KHDC1L: variants seen among roughly 807,000 people sequenced by gnomAD.
The protein encoded by KHDC1L is KHDC1-like protein.
In KHDC1L, 5 loss-of-function variants were observed where a neutral mutation model predicts 11.2. That is an observed-to-expected ratio of 0.45 (90% CI 0.23 to 0.94). KHDC1L has a LOEUF of 0.94. KHDC1L is among the 40% of genes least tolerant of loss of function. The pLI is 0.22. For synonymous variants in KHDC1L, 66 were observed against 62.7 expected (o/e 1.05, Z -0.25); for missense variants, 168 against 165.8 (o/e 1.01, Z -0.07).
chr6:73,223,602 C>G lies in KHDC1L; in HGVS notation c.*146G>C. On this transcript the variant is annotated 3_prime_UTR_variant, in exon 3 of 3. Coordinates refer to ENST00000370388, the MANE Select transcript of KHDC1L (RefSeq NM_001126063.3). ...CTTTGCCAATAACACTTCTAACACTCAGGAGACTTCCCTCAGACACATGCC... is the reference window on the plus strand; with the variant it reads ...CTTTGCCAATAACACTTCTAACACTGAGGAGACTTCCCTCAGACACATGCC... The G allele has an allele frequency of 1.6e-6, 1 of 635,930 alleles. No individual in the cohort carries two copies. The highest frequency in any genetic ancestry group is 2.9e-5 in the Admixed American group (1 of 34,840). 39.4% of individuals were successfully genotyped at this position (635,930 alleles called of 1,614,324 possible).
rs746265778 is a variant in KHDC1L at position 73,225,469 on chromosome 6, T to G, written c.-61A>C. On this transcript the variant is annotated 5_prime_UTR_variant, in exon 1 of 3. Coordinates refer to ENST00000370388, the MANE Select transcript of KHDC1L (RefSeq NM_001126063.3). ...CTAACAAACTGGTTGGCAAAAGACTTGGAAAAGCGAGGAAGGGCCTAGGCT... is the reference window on the plus strand; with the variant it reads ...CTAACAAACTGGTTGGCAAAAGACTGGGAAAAGCGAGGAAGGGCCTAGGCT... 7.7e-7 allele frequency: 1 copy of G among 1,298,608 alleles called. No homozygotes were observed. 80.4% of individuals were successfully genotyped at this position (1,298,608 alleles called of 1,614,324 possible).
rs1221428312 is a variant in KHDC1L at position 73,224,325 on chromosome 6, A to G, written c.136T>C (p.Cys46Arg). The G allele has an allele frequency of 3.1e-6, 5 of 1,588,728 alleles. No homozygotes were observed. The Admixed American group carries it at 7.1e-5, about 22-fold the overall frequency. Residue 46 changes from cysteine (C) to arginine (R), a missense_variant, in exon 2 of 3, where the codon TGC becomes CGC. By Grantham distance (180) the Cys-to-Arg change is radical. Coordinates refer to ENST00000370388, the MANE Select transcript of KHDC1L (RefSeq NM_001126063.3). ...AGGGTGTGGCTGTGCAGCTCAATGCAGCGAAGGTACGTGTCATCAAGTCCT... is the reference window on the plus strand; with the variant it reads ...AGGGTGTGGCTGTGCAGCTCAATGCGGCGAAGGTACGTGTCATCAAGTCCT... Reference protein sequence around the residue: ...IFGLDDTYLRCIELHSHTLIQ... With the variant: ...IFGLDDTYLRRIELHSHTLIQ...
rs776896373 is a variant in KHDC1L, at chr6:73,225,402, C to G, written c.7G>C (p.Val3Leu). Residue 3 changes from valine (V) to leucine (L), a missense_variant, in exon 1 of 3, where the codon GTG (valine) becomes CTG (leucine). Physicochemically the swap from Val to Leu is conservative, Grantham distance 32. Coordinates refer to ENST00000370388, the MANE Select transcript of KHDC1L (RefSeq NM_001126063.3). ...TCCTTGCTGAGAGCACTCGTTCCCA[C>G]GGCCATGCTGTGCTCCCACCTGATT... is the stretch of plus-strand genomic sequence containing the variant. MA[V>L]GTSALSKEPW... The G allele has an allele frequency of 6.2e-7, 1 of 1,612,656 alleles. No homozygotes were observed. Among genetic ancestry groups the G allele is most frequent in the Non-Finnish European group, 8.5e-7 (1 of 1,178,792 alleles).
intron 1 of KHDC1L, 84 bp from the exon 2 acceptor site, chr6:73,224,432 T>A: frequency 8.4e-7 from 1 of 1,193,926 alleles, no homozygotes; most frequent in Non-Finnish European, 1.2e-6. Flanking sequence ...TAGGGATGTG[T>A]GACTCATGAA....
intron 1 of KHDC1L, among the ~76,000 whole-genome samples, chr6:73,224,562 G>A (rs1766323331): frequency 3.9e-5 from 6 of 151,946 alleles, no homozygotes; most frequent in Admixed American, 3.9e-4. Context: ...ATCAGTTGAG[G>A]TCAGGAGTTC....
In KHDC1L at chr6:73,224,076, G is replaced by A. The variant is rs756719969; in HGVS notation, c.295+90C>T. On this transcript the variant is annotated intron_variant, in intron 2 of 2. Coordinates refer to ENST00000370388, the MANE Select transcript of KHDC1L (RefSeq NM_001126063.3). ...CACCTGGATTCCCCAGCCACACAAG[G>A]GATTCTTCACGAATCCAAGATGCCA... is the stretch of plus-strand genomic sequence containing the variant. The A allele has an allele frequency of 2.0e-4, 286 of 1,408,348 alleles. 1 individual carries two copies. Among genetic ancestry groups the A allele is most frequent in the Non-Finnish European group, 2.6e-4 (274 of 1,050,212 alleles). 87.2% of individuals were successfully genotyped at this position (1,408,348 alleles called of 1,614,324 possible). A position where few individuals can be genotyped will look rare whatever the true frequency, so the allele number is the denominator to read the frequency against.
intron 2 of KHDC1L, 148 bp from the exon 3 acceptor site, chr6:73,223,987 C>T (rs549974089): frequency 1.0e-6 from 1 of 982,546 alleles, no homozygotes; most frequent in East Asian, 2.6e-5. Context: ...CTGCTACCCT[C>T]TCCTCCCTGA....
Position 73,223,709 on chromosome 6 carries a change from G to A in KHDC1L, c.*39C>T, listed in dbSNP as rs1279030160. On this transcript the variant is annotated 3_prime_UTR_variant, in exon 3 of 3. Coordinates refer to ENST00000370388, the MANE Select transcript of KHDC1L (RefSeq NM_001126063.3). Reference sequence around the variant, plus strand: ...TCATGTCTTTCTCACCAAAAGCGAAGCCAAGACTTCTCCTCTCATCCCCTC... The same window carrying A: ...TCATGTCTTTCTCACCAAAAGCGAAACCAAGACTTCTCCTCTCATCCCCTC... 1 of 1,530,826 alleles carries A rather than the reference G, an allele frequency of 6.5e-7. No homozygotes were observed. Among genetic ancestry groups the A allele is most frequent in the Non-Finnish European group, 8.9e-7 (1 of 1,120,028 alleles). The allele number at this position is 1,530,826 out of a possible 1,614,324, so 94.8% of individuals were successfully genotyped here.
At position 73,224,192 on chromosome 6, in the gene KHDC1L, C is replaced by A; in HGVS notation, c.269G>T (p.Ser90Ile). 1 of 1,570,264 alleles carries A rather than the reference C, an allele frequency of 6.4e-7. No homozygotes were observed. The highest frequency in any genetic ancestry group is 8.6e-7 in the Non-Finnish European group (1 of 1,157,322). ...WLLLMFHCVG[S>I]QDSKCHARGL... ...TCGAGCGTGACACTTGGAGTCCTGG[C>A]TCCCCACGCAATGGAACATGAGCAG... The change falls in exon 2 of 3, where the codon AGC (serine) becomes ATC (isoleucine). Residue 90 changes from serine to isoleucine, a missense_variant. Physicochemically the swap from Ser to Ile is moderately radical, Grantham distance 142 (BLOSUM62 -2). Transcript: ENST00000370388.
rs929359007 is a variant in KHDC1L at position 73,224,095 on chromosome 6, G to A, written c.295+71C>T. On this transcript the variant is annotated intron_variant, in intron 2 of 2. Coordinates refer to ENST00000370388, the MANE Select transcript of KHDC1L (RefSeq NM_001126063.3). ...CACAAGGGATTCTTCACGAATCCAA[G>A]ATGCCACACAACACAGCCAGAACTC... 4.8e-6 allele frequency: 7 copies of A among 1,456,730 alleles called. No homozygotes were observed. The African/African-American group carries it at 8.5e-5, about 18-fold the overall frequency. The allele number at this position is 1,456,730 out of a possible 1,614,324, so 90.2% of individuals were successfully genotyped here.
In KHDC1L at chr6:73,225,440, A is replaced by G; in HGVS notation, c.-32T>C. ...CTCCCACCTGATTCAGAATAGGGGA[A>G]AGTCTAACAAACTGGTTGGCAAAAG... On this transcript the variant is annotated 5_prime_UTR_variant, in exon 1 of 3. Transcript: ENST00000370388. 1.3e-6 allele frequency: 2 copies of G among 1,530,678 alleles called. No individual in the cohort carries two copies. Among genetic ancestry groups the G allele is most frequent in the Non-Finnish European group, 1.8e-6 (2 of 1,105,666 alleles). 94.8% of individuals were successfully genotyped at this position (1,530,678 alleles called of 1,614,324 possible). A position where few individuals can be genotyped will look rare whatever the true frequency, so the allele number is the denominator to read the frequency against.
At position 73,224,196 on chromosome 6, in the gene KHDC1L, C is replaced by A; in HGVS notation, c.265G>T (p.Gly89Trp). Reference sequence around the variant, plus strand: ...GCGTGACACTTGGAGTCCTGGCTCCCCACGCAATGGAACATGAGCAGCAGC... The same window carrying A: ...GCGTGACACTTGGAGTCCTGGCTCCACACGCAATGGAACATGAGCAGCAGC... ...QWLLLMFHCV[G>W]SQDSKCHARG... Residue 89 changes from glycine (G) to tryptophan (W), a missense_variant, in exon 2 of 3, where the codon GGG becomes TGG. Coordinates refer to ENST00000370388, the MANE Select transcript of KHDC1L (RefSeq NM_001126063.3). 6.4e-7 allele frequency: 1 copy of A among 1,571,818 alleles called. No homozygotes were observed. The highest frequency in any genetic ancestry group is 2.3e-5 in the East Asian group (1 of 42,674).
Position 73,224,784 on chromosome 6 carries a change from A to C in KHDC1L, c.113-436T>G, listed in dbSNP as rs1257177725. The stretch of plus-strand genomic sequence containing the variant: ...GAGATTCCATATCAAAAAAAAAAAA[A>C]AAAAAAAAAACACGAGGCCGGGCGC... On this transcript the variant is annotated intron_variant, in intron 1 of 2. Transcript: ENST00000370388. 5.3e-4 allele frequency among the ~76,000 whole-genome samples: 77 copies of C among 146,202 alleles called. 1 individual carries two copies. The highest frequency in any genetic ancestry group is 2.7e-3 in the Admixed American group (39 of 14,428).
In KHDC1L at chr6:73,224,335, C is replaced by T. The variant is rs1766317555; in HGVS notation, c.126G>A (p.Thr42=). ...TGTGCAGCTCAATGCAGCGAAGGTA[C>T]GTGTCATCAAGTCCTGTAAGCACAA... The part of the protein sequence containing the change: ...QEELIFGLDD[T]YLRCIELHSH... Residue 42 remains threonine, a synonymous_variant, in exon 2 of 3, where the codon ACG becomes ACA. Coordinates refer to ENST00000370388, the MANE Select transcript of KHDC1L (RefSeq NM_001126063.3). 2 of 1,578,406 alleles carry T rather than the reference C, an allele frequency of 1.3e-6. No individual in the cohort carries two copies. The highest frequency in any genetic ancestry group is 1.3e-5 in the African/African-American group (1 of 74,368).
rs977082093 is a variant in KHDC1L at position 73,223,757 on chromosome 6, G to A, written c.378C>T (p.Thr126=). The A allele has an allele frequency of 5.6e-6, 9 of 1,605,238 alleles. No homozygotes were observed. The highest frequency in any genetic ancestry group is 1.6e-4 in the Middle Eastern group (1 of 6,074). Residue 126 remains threonine (T), a synonymous_variant, in exon 3 of 3, where the codon ACC becomes ACT. Transcript: ENST00000370388. The part of the protein sequence containing the change: ...LVTSVSLPPY[T]GD ...CTCTTCCCAGGGGAGATCAGTCTCC[G>A]GTGTACGGTGGCAGGCTAACGGAGG...
rs755899539 is a variant in KHDC1L at position 73,223,844 on chromosome 6, A to G, written c.296-5T>C. 2.0e-5 allele frequency: 32 copies of G among 1,580,856 alleles called. No homozygotes were observed. The highest frequency in any genetic ancestry group is 6.0e-6 in the Non-Finnish European group (7 of 1,162,740). On this transcript the variant is annotated splice_polypyrimidine_tract_variant and splice_region_variant and intron_variant, in intron 2 of 2. Coordinates refer to ENST00000370388, the MANE Select transcript of KHDC1L (RefSeq NM_001126063.3). ...CACGCTCTAGCATCTTCAGACCTGC[A>G]AAAGAATTGCCTGGAGCTGAAGAAC...
chr6:73,224,260 T>C lies in KHDC1L; in HGVS notation c.201A>G (p.Thr67=). 1 of 1,592,920 alleles carries C rather than the reference T, an allele frequency of 6.3e-7. No individual in the cohort carries two copies. Among genetic ancestry groups the C allele is most frequent in the Non-Finnish European group, 8.6e-7 (1 of 1,168,830 alleles). The part of the protein sequence containing the change: ...LERCFTATGQ[T]RVTVVGPPMA... Reference sequence around the variant, plus strand: ...TTGGTGGTCCGACTACAGTCACACGTGTCTGGCCTGTAGCTGTGAAACACC... The same window carrying C: ...TTGGTGGTCCGACTACAGTCACACGCGTCTGGCCTGTAGCTGTGAAACACC... Residue 67 remains threonine (T), a synonymous_variant, in exon 2 of 3, where the codon ACA becomes ACG. Coordinates refer to ENST00000370388, the MANE Select transcript of KHDC1L (RefSeq NM_001126063.3).
Position 73,223,688 on chromosome 6 carries a change from G to T in KHDC1L, c.*60C>A. Reference sequence around the variant, plus strand: ...TCAAACTTTCTTCAGTGTTTTTCATGTCTTTCTCACCAAAAGCGAAGCCAA... The same window carrying T: ...TCAAACTTTCTTCAGTGTTTTTCATTTCTTTCTCACCAAAAGCGAAGCCAA... On this transcript the variant is annotated 3_prime_UTR_variant, in exon 3 of 3. Coordinates refer to ENST00000370388, the MANE Select transcript of KHDC1L (RefSeq NM_001126063.3). The T allele has an allele frequency of 1.4e-6, 2 of 1,393,082 alleles. No homozygotes were observed. The highest frequency in any genetic ancestry group is 1.4e-5 in the African/African-American group (1 of 70,096). The allele number at this position is 1,393,082 out of a possible 1,614,324, so 86.3% of individuals were successfully genotyped here. A position where few individuals can be genotyped will look rare whatever the true frequency, so the allele number is the denominator to read the frequency against.
In KHDC1L at chr6:73,225,184, T is replaced by C. The variant is rs558844028; in HGVS notation, c.112+113A>G. 3,385 of 928,710 alleles carry C rather than the reference T, an allele frequency of 3.6e-3. 16 individuals carry two copies. Among genetic ancestry groups the C allele is most frequent in the Non-Finnish European group, 3.1e-3 (1,944 of 632,362 alleles). 57.5% of individuals were successfully genotyped at this position (928,710 alleles called of 1,614,324 possible). A position where few individuals can be genotyped will look rare whatever the true frequency, so the allele number is the denominator to read the frequency against. On this transcript the variant is annotated intron_variant, in intron 1 of 2. Coordinates refer to ENST00000370388, the MANE Select transcript of KHDC1L (RefSeq NM_001126063.3). ...CTGCAGGCTGAAGCAGGAGAATCAC[T>C]TGAACCCAAAAGGCAGACGTTGCAG...
Sources: allele counts gnomAD v4.1 joint callset (sites outside exome capture counted in the v4.1 genomes callset), GRCh38; gene constraint gnomAD v4.1.1; transcripts MANE v1.5; gene names NCBI Gene and HGNC (gene_info 2026-07-23, HGNC 2026-07-21).